Variants in GPHN observed in about 807,000 individuals in gnomAD.
GPHN encodes the protein gephyrin.
Under a neutral mutation model 95.5 loss-of-function variants are expected in GPHN, and 17 were observed. The observed-to-expected ratio is 0.18, with a 90% CI of 0.12 to 0.27. The LOEUF (loss-of-function observed/expected upper bound fraction) is 0.27. GPHN is among the 10% of genes least tolerant of loss of function. The pLI is 1.00. For synonymous variants in GPHN, 320 were observed against 322.5 expected (o/e 0.99, Z 0.08); for missense variants, 660 against 978.1 (o/e 0.67, Z 4.34).
At chr14:66,597,470 A>T (rs1174939195) in intron 1 of GPHN, among the ~76,000 whole-genome samples, 6 of 152,176 alleles carry the variant, frequency 3.9e-5, no homozygotes, top group Non-Finnish European at 8.8e-5. Context: ...CCAAGCGTGC[A>T]CATACCCAGC....
At chr14:67,145,005 A>G (rs1310217992) in intron 18 of GPHN, among the ~76,000 whole-genome samples, 1 of 152,210 alleles carries the variant, frequency 6.6e-6, no homozygotes, top group Non-Finnish European at 1.5e-5. Flanking sequence ...ATTGCCGCAG[A>G]GCTCTCCTGA....
At chr14:66,652,661 T>A (rs2065102600) in intron 1 of GPHN, among the ~76,000 whole-genome samples, 2 of 152,186 alleles carry the variant, frequency 1.3e-5, no homozygotes, top group Admixed American at 1.3e-4. Context: ...CTTTATAGTG[T>A]AACATTCTTG....
the GPHN span, chr14:67,587,252 A>G: frequency 6.2e-7 from 1 of 1,613,230 alleles, no homozygotes; most frequent in Non-Finnish European, 8.5e-7. Flanking sequence ...CTCCTACCCG[A>G]TTCCCCAACA....
rs191332379 is a variant in GPHN, at chr14:66,749,280, A to G, written c.144-27184A>G. ...TCTTCGTTGTTTACAAGTTTTGGCC[A>G]TTATGAATAAAGTCTGTATAAATAT... On this transcript the variant is annotated intron_variant, in intron 2 of 22. Coordinates refer to ENST00000478722, the MANE Select transcript of GPHN (RefSeq NM_020806.5). Among the ~76,000 whole-genome samples the G allele has an allele frequency of 9.4e-4, 143 of 152,134 alleles. 2 individuals carry two copies. The highest frequency in any genetic ancestry group is 1.5e-3 in the Non-Finnish European group (103 of 67,850).
intron 9 of GPHN, among the ~76,000 whole-genome samples, chr14:66,984,905 A>G (rs536634536): frequency 1.3e-5 from 2 of 151,926 alleles, no homozygotes; most frequent in Non-Finnish European, 2.9e-5. Flanking sequence ...TTAGAGCTCT[A>G]TTTAAAAAGT....
chr14:66,912,639 G>A (rs1401018451), intron 5 of GPHN, among the ~76,000 whole-genome samples: 3 of 151,858 alleles, frequency 2.0e-5, no homozygotes, highest in Non-Finnish European at 2.9e-5. Context: ...CTGAAATAGT[G>A]CTTGGTAATA....
At chr14:67,397,555 A>G in the GPHN span, 15 of 948,290 alleles carry the variant, frequency 1.6e-5, no homozygotes, top group African/African-American at 6.6e-5. Context: ...AAGTTTTTCA[A>G]TTCTAACTCT....
the GPHN span, among the ~76,000 whole-genome samples, chr14:67,672,138 T>G: frequency 0.089 from 12,540 of 140,668 alleles, 673 homozygotes; most frequent in East Asian, 0.24. Context: ...TTTTTTTTTT[T>G]GGGAGAGTCT....
chr14:66,943,821 G>GGATT (rs1396207918), intron 8 of GPHN, among the ~76,000 whole-genome samples: 1 of 152,050 alleles, frequency 6.6e-6, no homozygotes, highest in African/African-American at 2.4e-5. Context: ...TCTCCTAATT[G>GGATT]GATTATTGGA....
the GPHN span, chr14:67,586,997 T>A: frequency 8.5e-6 from 13 of 1,524,290 alleles, no homozygotes; most frequent in Non-Finnish European, 1.1e-5. Flanking sequence ...GAACTCAGCA[T>A]AAGAGCTAAT....
the GPHN span, among the ~76,000 whole-genome samples, chr14:67,707,383 T>C: frequency 6.6e-6 from 1 of 152,222 alleles, no homozygotes; most frequent in South Asian, 2.1e-4. Context: ...TAGGACTTGT[T>C]TGCTTTATTA....
the GPHN span, among the ~76,000 whole-genome samples, chr14:67,210,397 A>G: frequency 6.6e-6 from 1 of 152,048 alleles, no homozygotes; most frequent in Non-Finnish European, 1.5e-5. Context: ...ACCCACCTGG[A>G]CAACATAGGG....
intron 9 of GPHN, among the ~76,000 whole-genome samples, chr14:66,996,527 G>A (rs901248929): frequency 1.3e-5 from 2 of 151,914 alleles, no homozygotes; most frequent in Admixed American, 1.3e-4. Flanking sequence ...TTTGAATTAG[G>A]TAATTTATTA....
In GPHN at chr14:67,065,386, G is replaced by A. The variant is rs572439733; in HGVS notation, c.1144+6600G>A. On this transcript the variant is annotated intron_variant, in intron 11 of 22. Transcript: ENST00000478722. ...TCAATTTTAGAATACGTGCAATGTGGTGCTGAGAAGACTGTATATTCTGTT... is the reference window on the plus strand; with the variant it reads ...TCAATTTTAGAATACGTGCAATGTGATGCTGAGAAGACTGTATATTCTGTT... Among the ~76,000 whole-genome samples, 10 of 152,300 alleles carry A rather than the reference G, an allele frequency of 6.6e-5. No homozygotes were observed. The South Asian group carries it at 1.0e-3, about 16-fold the overall frequency.
At chr14:66,646,108 C>CA (rs576528184) in intron 1 of GPHN, among the ~76,000 whole-genome samples, 22 of 150,442 alleles carry the variant, frequency 1.5e-4, no homozygotes, top group Middle Eastern at 3.4e-3. Context: ...TCAACAGCAA[C>CA]AAAAAAAAAC....
At chr14:67,033,097 A>C (rs1389880553) in intron 10 of GPHN, among the ~76,000 whole-genome samples, 1 of 152,188 alleles carries the variant, frequency 6.6e-6, no homozygotes, top group Non-Finnish European at 1.5e-5. Flanking sequence ...AAAAGAACCA[A>C]AGAGAAATTC....
At chr14:66,904,662 C>T (rs768008795) in intron 5 of GPHN, among the ~76,000 whole-genome samples, 11 of 152,092 alleles carry the variant, frequency 7.2e-5, no homozygotes, top group Non-Finnish European at 1.5e-4. Flanking sequence ...GGGAATTGGG[C>T]GATGCTTGCT....
At chr14:66,588,722 A>G (rs755101957) in intron 1 of GPHN, among the ~76,000 whole-genome samples, 1 of 152,170 alleles carries the variant, frequency 6.6e-6, no homozygotes, top group South Asian at 2.1e-4. Context: ...TCCAAGAAAT[A>G]TGGGACTATG....
chr14:66,538,166 A>C (rs570237272), intron 1 of GPHN, among the ~76,000 whole-genome samples: 1 of 152,144 alleles, frequency 6.6e-6, no homozygotes, highest in African/African-American at 2.4e-5. Context: ...TCAGATATGT[A>C]ATTCCTTTGT....
Sources: allele counts gnomAD v4.1 joint callset (sites outside exome capture counted in the v4.1 genomes callset), GRCh38; gene constraint gnomAD v4.1.1; transcripts MANE v1.5; gene names NCBI Gene and HGNC (gene_info 2026-07-23, HGNC 2026-07-21).